The following KLF12 variants were observed in gnomAD, a reference collection of about 807,000 sequenced individuals.
KLF12 encodes Krueppel-like factor 12.
Under a neutral mutation model 37.8 loss-of-function variants are expected in KLF12, and 9 were observed. The ratio of observed to expected loss-of-function variants is 0.24; its 90% CI spans 0.14 to 0.42. The LOEUF (loss-of-function observed/expected upper bound fraction) is 0.42, where lower values mean the gene tolerates loss of function less well. Among genes scored for constraint, KLF12 ranks in the 10% least tolerant of loss-of-function variants. The probability of loss-of-function intolerance (pLI) is 1.00; values close to 1 mark genes in which losing one functional copy is unlikely to be tolerated. For synonymous variants in KLF12, 208 were observed against 202.1 expected (o/e 1.03, Z -0.25); for missense variants, 411 against 516.0 (o/e 0.80, Z 1.97).
At position 74,007,571 on chromosome 13, in the gene KLF12, G is replaced by A. The variant is rs186508179; in HGVS notation, c.-31-12518C>T. On this transcript the variant is annotated intron_variant, in intron 1 of 7. Transcript: ENST00000377669. ...ATTACAGGCGTGAGCCACCGCGGCC[G>A]GCCAAGACAAGGGTATTTTTCATTA... Among the ~76,000 whole-genome samples, 639 of 152,228 alleles carry A rather than the reference G, an allele frequency of 4.2e-3. 4 individuals are homozygous for A. Among genetic ancestry groups the A allele is most frequent in the Middle Eastern group, 0.017 (5 of 294 alleles).
At chr13:74,287,888 C>G in the KLF12 span, among the ~76,000 whole-genome samples, 25 of 152,164 alleles carry the variant, frequency 1.6e-4, no homozygotes, top group Non-Finnish European at 3.2e-4. Flanking sequence ...CACTGCTCAT[C>G]CAGCACTGCG....
intron 1 of KLF12, among the ~76,000 whole-genome samples, chr13:74,009,155 T>C (rs961348793): frequency 5.9e-5 from 9 of 152,180 alleles, no homozygotes; most frequent in Admixed American, 5.9e-4. Flanking sequence ...TTGTAACAGT[T>C]TATCTGTGAC....
intron 3 of KLF12, among the ~76,000 whole-genome samples, chr13:73,872,628 A>G (rs879290267): frequency 1.3e-5 from 2 of 152,184 alleles, no homozygotes; most frequent in Non-Finnish European, 2.9e-5. Flanking sequence ...CTAGGAAGCC[A>G]CTGGTCATCA....
intron 6 of KLF12, among the ~76,000 whole-genome samples, chr13:73,762,721 C>A (rs1243100803): frequency 6.6e-6 from 1 of 152,168 alleles, no homozygotes; most frequent in Non-Finnish European, 1.5e-5. Flanking sequence ...ATCACTTTCC[C>A]TTCCTCTTCA....
the KLF12 span, among the ~76,000 whole-genome samples, chr13:74,302,753 G>A: frequency 6.6e-6 from 1 of 152,132 alleles, no homozygotes; most frequent in Admixed American, 6.5e-5. Context: ...GCTTGGCTTG[G>A]AGAAAGCAGG....
intron 3 of KLF12, among the ~76,000 whole-genome samples, chr13:73,909,636 C>T (rs761431720): frequency 4.6e-5 from 7 of 152,100 alleles, no homozygotes; most frequent in Non-Finnish European, 8.8e-5. Flanking sequence ...AGCACAAAGT[C>T]AAGGGAATTT....
At chr13:73,846,554 A>C (rs1885035294) in intron 3 of KLF12, among the ~76,000 whole-genome samples, 181 bp from the exon 4 acceptor site, 1 of 152,212 alleles carries the variant, frequency 6.6e-6, no homozygotes, top group South Asian at 2.1e-4. Context: ...AGGGCATAAG[A>C]GTACAAAACA....
chr13:73,969,134 AG>A (rs1359900259), intron 2 of KLF12, among the ~76,000 whole-genome samples: 1 of 152,122 alleles, frequency 6.6e-6, no homozygotes, highest in Non-Finnish European at 1.5e-5. Context: ...CTGCATCAGG[AG>A]GGAAGAATAT....
At chr13:73,865,233 C>T (rs1320370870) in intron 3 of KLF12, among the ~76,000 whole-genome samples, 2 of 151,810 alleles carry the variant, frequency 1.3e-5, no homozygotes, top group African/African-American at 4.9e-5. Context: ...TTTCAAAAAC[C>T]ACATTAAACT....
At chr13:73,727,683 T>C (rs1876761007) in intron 6 of KLF12, among the ~76,000 whole-genome samples, 1 of 152,062 alleles carries the variant, frequency 6.6e-6, no homozygotes, top group South Asian at 2.1e-4. Flanking sequence ...AAATTAAGAA[T>C]CATCTCATCA....
intron 3 of KLF12, among the ~76,000 whole-genome samples, chr13:73,892,046 A>T (rs1398241367): frequency 1.3e-5 from 2 of 151,890 alleles, no homozygotes; most frequent in Non-Finnish European, 2.9e-5. Context: ...CTGTGTTACT[A>T]CAAGTAGCTC....
At chr13:73,763,877 C>A (rs1247136456) in intron 6 of KLF12, among the ~76,000 whole-genome samples, 1 of 152,174 alleles carries the variant, frequency 6.6e-6, no homozygotes, top group African/African-American at 2.4e-5. Context: ...GCAAACGCCT[C>A]TGTGCCCCAT....
intron 3 of KLF12, among the ~76,000 whole-genome samples, chr13:73,876,902 C>A (rs1886732004): frequency 6.6e-6 from 1 of 151,758 alleles, no homozygotes; most frequent in African/African-American, 2.4e-5. Context: ...GTAATCCCAG[C>A]TACTCGGGAG....
intron 1 of KLF12, among the ~76,000 whole-genome samples, chr13:74,098,974 A>G (rs905377871): frequency 6.6e-6 from 1 of 152,114 alleles, no homozygotes; most frequent in Non-Finnish European, 1.5e-5. Context: ...TACTTTTGTA[A>G]GGTTAGAAGG....
At chr13:74,030,269 T>C (rs970749786) in intron 1 of KLF12, among the ~76,000 whole-genome samples, 1 of 151,926 alleles carries the variant, frequency 6.6e-6, no homozygotes, top group Non-Finnish European at 1.5e-5. Flanking sequence ...CCATTGACAA[T>C]AGAGAGACTA....
the KLF12 span, among the ~76,000 whole-genome samples, chr13:74,199,577 C>CA: frequency 6.6e-6 from 1 of 152,114 alleles, no homozygotes; most frequent in Non-Finnish European, 1.5e-5. Context: ...GGCACACAAA[C>CA]AGAGTTAGGA....
chr13:73,832,217 A>C (rs956173464), intron 4 of KLF12, among the ~76,000 whole-genome samples: 9 of 152,128 alleles, frequency 5.9e-5, no homozygotes, highest in African/African-American at 2.2e-4. Flanking sequence ...TGTGCCCTCC[A>C]TTCTCTACTC....
At chr13:74,134,330 C>A (rs909889041), upstream of KLF12, among the ~76,000 whole-genome samples, 3 of 151,792 alleles carry the variant, frequency 2.0e-5, no homozygotes, top group East Asian at 3.9e-4. Flanking sequence ...TCAGCAGGCG[C>A]TAAGTCGCTT....
At chr13:74,297,327 TACAG>T in the KLF12 span, among the ~76,000 whole-genome samples, 1 of 152,174 alleles carries the variant, frequency 6.6e-6, no homozygotes, top group East Asian at 1.9e-4. Context: ...GCCAAATATA[TACAG>T]AAACACTGGG....
Sources: gnomAD v4.1 joint callset for allele counts (sites outside exome capture counted in the v4.1 genomes callset) on GRCh38, gnomAD v4.1.1 for gene constraint, MANE v1.5 for transcripts, NCBI Gene and HGNC (gene_info 2026-07-23, HGNC 2026-07-21) for gene names.